NTNG1: variants seen among roughly 807,000 people sequenced by gnomAD.
The protein encoded by NTNG1 is netrin G1, also known as netrin-G1.
Under a neutral mutation model 54.0 loss-of-function variants are expected in NTNG1, and 16 were observed. The ratio of observed to expected loss-of-function variants is 0.30; its 90% confidence interval spans 0.20 to 0.45. The LOEUF (loss-of-function observed/expected upper bound fraction) is 0.45, where lower values mean the gene tolerates loss of function less well. NTNG1 is among the 20% of genes least tolerant of loss of function. NTNG1 has a pLI of 1.00. For missense variants in NTNG1, 530 were observed against 678.7 expected (o/e 0.78, Z 2.43); for synonymous variants, 255 against 263.1 (o/e 0.97, Z 0.30).
intron 5 of NTNG1, 28 bp downstream of exon 5, chr1:107,407,736 A>G (rs374670809): frequency 1.5e-5 from 24 of 1,592,636 alleles, no homozygotes; most frequent in African/African-American, 1.3e-4. Flanking sequence ...CAAAAAAAAC[A>G]CCAAACCAAG....
chr1:107,455,734 A>G, intron 7 of NTNG1: 1 of 376,260 alleles, frequency 2.7e-6, no homozygotes, highest in Non-Finnish European at 5.9e-6. Flanking sequence ...TTACTGTGGT[A>G]GCAACTTTCA....
intron 2 of NTNG1, among the ~76,000 whole-genome samples, chr1:107,252,319 G>C (rs1170557396): frequency 6.6e-6 from 1 of 152,176 alleles, no homozygotes; most frequent in Admixed American, 6.5e-5. Context: ...TCTGGTCCCA[G>C]ATTTTTTAAT....
chr1:107,478,638 AC>A (rs1678491276), intron 7 of NTNG1, among the ~76,000 whole-genome samples: 1 of 152,184 alleles, frequency 6.6e-6, no homozygotes, highest in Non-Finnish European at 1.5e-5. Context: ...ATATTTCCCT[AC>A]CTCTAGTGCC....
intron 7 of NTNG1, among the ~76,000 whole-genome samples, chr1:107,453,655 G>C (rs950266438): frequency 1.3e-5 from 2 of 152,162 alleles, no homozygotes; most frequent in African/African-American, 4.8e-5. Context: ...CTTTAATAAA[G>C]AGGAAAGTGG....
chr1:107,277,514 C>T (rs1326683127), intron 2 of NTNG1, among the ~76,000 whole-genome samples: 2 of 152,170 alleles, frequency 1.3e-5, no homozygotes, highest in African/African-American at 4.8e-5. Context: ...AGGTAAGCTT[C>T]AATTGTTAGC....
chr1:107,286,910 A>C (rs1665234940), intron 2 of NTNG1, among the ~76,000 whole-genome samples: 1 of 152,166 alleles, frequency 6.6e-6, no homozygotes, highest in African/African-American at 2.4e-5. Flanking sequence ...TTTTTAGGCC[A>C]ACAAAGATTT....
intron 2 of NTNG1, among the ~76,000 whole-genome samples, chr1:107,218,025 A>G (rs1009088937): frequency 6.6e-6 from 1 of 152,086 alleles, no homozygotes; most frequent in African/African-American, 2.4e-5. Context: ...TGACCTGTCT[A>G]GTGCTGTCAG....
intron 4 of NTNG1, among the ~76,000 whole-genome samples, chr1:107,397,810 T>A (rs1672775236): frequency 6.6e-6 from 1 of 152,004 alleles, no homozygotes; most frequent in East Asian, 1.9e-4. Context: ...TTAACCATTA[T>A]CGACTCCAAT....
In NTNG1 at chr1:107,324,828, A is replaced by G. The variant is rs1667855667; in HGVS notation, c.793A>G (p.Arg265Gly). The G allele has an allele frequency of 6.2e-7, 1 of 1,613,382 alleles. No individual in the cohort carries two copies. Residue 265 changes from arginine (R) to glycine (G), a missense_variant, in exon 3 of 8, where the codon AGG becomes GGG. This residue lies in a region of NTNG1 where 318 missense variants were observed against 465.1 expected (regional missense o/e 0.68). Coordinates refer to ENST00000370068, the MANE Select transcript of NTNG1 (RefSeq NM_001113226.3). ...DFFTVTDLRI[R>G]LLRPAVGEIF... ...CTTTACAGTCACAGACCTGAGGATAAGGCTGTTAAGACCAGCCGTTGGGGA... is the reference window on the plus strand; with the variant it reads ...CTTTACAGTCACAGACCTGAGGATAGGGCTGTTAAGACCAGCCGTTGGGGA...
At chr1:107,279,103 C>T (rs1237830948) in intron 2 of NTNG1, among the ~76,000 whole-genome samples, 2 of 152,130 alleles carry the variant, frequency 1.3e-5, no homozygotes. Flanking sequence ...ATTTCCTTCT[C>T]TATAGAACTA....
chr1:107,441,047 AG>A (rs1459029867), intron 7 of NTNG1, among the ~76,000 whole-genome samples: 1 of 150,914 alleles, frequency 6.6e-6, no homozygotes, highest in African/African-American at 2.4e-5. Context: ...AGAGAAAAAA[AG>A]TTTTAAATGA....
chr1:107,451,211 T>G (rs961241151), intron 7 of NTNG1, among the ~76,000 whole-genome samples: 1 of 152,040 alleles, frequency 6.6e-6, no homozygotes, highest in African/African-American at 2.4e-5. Flanking sequence ...AAGTTAAGGT[T>G]TCTCTTTTTA....
Position 107,436,649 on chromosome 1 carries a change from T to G in NTNG1, c.1256-16T>G. 1 of 1,611,008 alleles carries G rather than the reference T, an allele frequency of 6.2e-7. No individual in the cohort carries two copies. The highest frequency in any genetic ancestry group is 1.3e-5 in the African/African-American group (1 of 75,022). The stretch of plus-strand genomic sequence containing the variant: ...GCAGACTTGTCTCCAGCCTGTGTGT[T>G]GTCTTGTTTCTACAGAGTGTTATTG... On this transcript the variant is annotated splice_polypyrimidine_tract_variant and intron_variant, in intron 6 of 7. Coordinates refer to ENST00000370068, the MANE Select transcript of NTNG1 (RefSeq NM_001113226.3).
At chr1:107,310,678 C>T (rs1462252532) in intron 2 of NTNG1, among the ~76,000 whole-genome samples, 1 of 152,012 alleles carries the variant, frequency 6.6e-6, no homozygotes, top group Non-Finnish European at 1.5e-5. Flanking sequence ...GAATATATAT[C>T]TCAAGATTGC....
chr1:107,452,261 A>G (rs1031784712), intron 7 of NTNG1, among the ~76,000 whole-genome samples: 2 of 152,176 alleles, frequency 1.3e-5, no homozygotes, highest in Non-Finnish European at 2.9e-5. Context: ...TCATCTGTCA[A>G]TGAGCCACTA....
rs145251492 is a variant in NTNG1 at position 107,345,385 on chromosome 1, G to C, written c.887+20463G>C. On this transcript the variant is annotated intron_variant, in intron 3 of 7. Transcript: ENST00000370068. ...TTGTGTGAATCCAAAGAGCCCAAAG[G>C]GTTATTTTCAAAGTTCTGTGGATTA... Among the ~76,000 whole-genome samples, 900 of 152,270 alleles carry C rather than the reference G, an allele frequency of 5.9e-3. 5 individuals carry two copies. The highest frequency in any genetic ancestry group is 9.4e-3 in the Non-Finnish European group (639 of 68,022).
chr1:107,407,942 T>C, intron 5 of NTNG1: 1 of 709,072 alleles, frequency 1.4e-6, no homozygotes, highest in Non-Finnish European at 2.6e-6. Flanking sequence ...TTCTGACTAC[T>C]CTTAACCAGT....
chr1:107,456,830 A>G (rs541439616), intron 7 of NTNG1, among the ~76,000 whole-genome samples: 1 of 152,358 alleles, frequency 6.6e-6, no homozygotes, highest in African/African-American at 2.4e-5. Flanking sequence ...TAGAAGGACC[A>G]TTATTACCAG....
intron 3 of NTNG1, among the ~76,000 whole-genome samples, chr1:107,363,028 A>C (rs1215157924): frequency 6.6e-6 from 1 of 152,138 alleles, no homozygotes; most frequent in Non-Finnish European, 1.5e-5. Context: ...TGAATTTCTT[A>C]GGAACATTTT....
Sources: allele counts gnomAD v4.1 joint callset (sites outside exome capture counted in the v4.1 genomes callset), GRCh38; gene constraint gnomAD v4.1.1; regional missense constraint gnomAD v4.1.1; transcripts MANE v1.5; gene names NCBI Gene and HGNC (gene_info 2026-07-23, HGNC 2026-07-21).